The following VWDE variants were observed in gnomAD, a reference collection of about 807,000 sequenced individuals.
VWDE encodes von Willebrand factor D and EGF domain-containing protein.
In VWDE, 207 loss-of-function variants were observed where a neutral mutation model predicts 178.4. The observed-to-expected ratio is 1.16, with a 90% CI of 1.04 to 1.30. The LOEUF (loss-of-function observed/expected upper bound fraction) is 1.30, where lower values mean the gene tolerates loss of function less well. Ranked by LOEUF, VWDE falls within the 50% of genes most tolerant of loss-of-function variation. VWDE has a pLI of 0.00. For synonymous variants in VWDE, 738 were observed against 651.4 expected (o/e 1.13, Z -2.02); for missense variants, 2,287 against 1,901.3 (o/e 1.20, Z -3.77).
chr7:12,373,066 G>C lies in VWDE; in HGVS notation c.1498C>G (p.Arg500Gly). 1 of 1,551,100 alleles carries C rather than the reference G, an allele frequency of 6.4e-7. No individual in the cohort carries two copies. The highest frequency in any genetic ancestry group is 8.7e-7 in the Non-Finnish European group (1 of 1,146,706). Reference protein sequence around the residue: ...VTFDMCNGQLRESQPYLFIKS... With the variant: ...VTFDMCNGQLGESQPYLFIKS... Reference sequence around the variant, plus strand: ...ATGAACAAATATGGTTGTGATTCACGTAGCTGACCATTGCACATATCAAAA... The same window carrying C: ...ATGAACAAATATGGTTGTGATTCACCTAGCTGACCATTGCACATATCAAAA... Residue 500 changes from arginine (R) to glycine (G), a missense_variant, in exon 10 of 29, where the codon CGT becomes GGT. Coordinates refer to ENST00000275358, the MANE Select transcript of VWDE (RefSeq NM_001135924.3).
intron 18 of VWDE, chr7:12,354,258 A>G (rs1782100729): frequency 2.8e-6 from 1 of 351,404 alleles, no homozygotes; most frequent in South Asian, 2.3e-5. Context: ...TTTACACTAA[A>G]TAAATACATG....
chr7:12,400,605 A>C (rs1222850709), intron 1 of VWDE, among the ~76,000 whole-genome samples: 1 of 152,142 alleles, frequency 6.6e-6, no homozygotes, highest in Non-Finnish European at 1.5e-5. Context: ...ATCAATGCTA[A>C]ATTCTACCAA....
chr7:12,399,000 T>C (rs1292950717), intron 1 of VWDE, among the ~76,000 whole-genome samples: 1 of 152,148 alleles, frequency 6.6e-6, no homozygotes, highest in Non-Finnish European at 1.5e-5. Flanking sequence ...CATCATGCGA[T>C]GTACCTTTGT....
Position 12,369,615 on chromosome 7 carries a change from A to G in VWDE, c.2691T>C (p.Asn897=), listed in dbSNP as rs1426419657. 6.4e-7 allele frequency: 1 copy of G among 1,551,502 alleles called. No individual in the cohort carries two copies. Among genetic ancestry groups the G allele is most frequent in the Non-Finnish European group, 8.7e-7 (1 of 1,146,826 alleles). ...CACACCCCCATTCCATGCACTGCCC[A>G]TTGCCGCTGCATAAATTGGGGCATT... is the stretch of plus-strand genomic sequence containing the variant. The part of the protein sequence containing the change: ...VLKCPNLCSG[N]GQCMEWGCAC... The change falls in exon 12 of 29, where the codon AAT becomes AAC. Residue 897 remains asparagine (N), a synonymous_variant. Transcript: ENST00000275358.
At chr7:12,339,708 AAT>A (rs1781224287) in intron 24 of VWDE, among the ~76,000 whole-genome samples, 1 of 152,152 alleles carries the variant, frequency 6.6e-6, no homozygotes, top group Non-Finnish European at 1.5e-5. Context: ...TAAACTCGAA[AAT>A]ATGAAGATGT....
At chr7:12,336,053 T>C (rs1323275618) in intron 27 of VWDE, 88 bp downstream of exon 27, 2 of 1,197,450 alleles carry the variant, frequency 1.7e-6, no homozygotes, top group Admixed American at 2.9e-5. Context: ...TTTTTCCCCC[T>C]TATGGACTTG....
rs1427619254 is a variant in VWDE at position 12,342,026 on chromosome 7, T to C, written c.4270+33A>G. On this transcript the variant is annotated intron_variant, in intron 23 of 28. Coordinates refer to ENST00000275358, the MANE Select transcript of VWDE (RefSeq NM_001135924.3). ...ACATTGGCATATTTTAACTTTTAAT[T>C]GACATGTTCATTGAAAATATTTCCA... 4 of 1,508,868 alleles carry C rather than the reference T, an allele frequency of 2.7e-6. No homozygotes were observed. The Admixed American group carries it at 5.9e-5, about 22-fold the overall frequency. The allele number at this position is 1,508,868 out of a possible 1,614,324, so 93.5% of individuals were successfully genotyped here. A position where few individuals can be genotyped will look rare whatever the true frequency, so the allele number is the denominator to read the frequency against.
At chr7:12,359,455 G>A in intron 16 of VWDE, 123 bp downstream of exon 16, 3 of 602,028 alleles carry the variant, frequency 5.0e-6, no homozygotes. Flanking sequence ...TTTGCAGTTA[G>A]GAGAGATGCT....
At chr7:12,394,466 T>G (rs1282246158) in intron 1 of VWDE, among the ~76,000 whole-genome samples, 1 of 152,150 alleles carries the variant, frequency 6.6e-6, no homozygotes, top group Non-Finnish European at 1.5e-5. Flanking sequence ...AGGAAACCTT[T>G]TATCTGAGTA....
intron 5 of VWDE, among the ~76,000 whole-genome samples, chr7:12,380,029 C>T (rs1400255786): frequency 1.3e-5 from 2 of 151,100 alleles, no homozygotes; most frequent in Admixed American, 1.3e-4. Context: ...ACCTGAGAGG[C>T]GGAGGTTGCA....
chr7:12,347,830 A>T (rs113332259), intron 19 of VWDE, among the ~76,000 whole-genome samples: 2,441 of 152,128 alleles, frequency 0.016, 61 homozygotes, highest in African/African-American at 0.056. Context: ...ACTATACTAC[A>T]AGGCTACAGT....
chr7:12,401,417 A>G (rs985919045), intron 1 of VWDE, among the ~76,000 whole-genome samples: 1 of 152,166 alleles, frequency 6.6e-6, no homozygotes, highest in African/African-American at 2.4e-5. Context: ...AGAAAATTAT[A>G]TCTGGAATAT....
intron 18 of VWDE, chr7:12,354,435 C>G: frequency 2.3e-6 from 1 of 436,432 alleles, no homozygotes; most frequent in Non-Finnish European, 4.6e-6. Context: ...ATGCTACTCC[C>G]TCAAAGCAAG....
chr7:12,359,804 T>C (rs930595440), intron 15 of VWDE, 112 bp from the exon 16 acceptor site: 2 of 609,586 alleles, frequency 3.3e-6, no homozygotes, highest in African/African-American at 1.9e-5. Context: ...AGCACATACA[T>C]CTATTTTGAT....
At chr7:12,380,457 A>G in intron 5 of VWDE, 29 bp downstream of exon 5, 1 of 1,536,140 alleles carries the variant, frequency 6.5e-7, no homozygotes. Context: ...ACATTCATGA[A>G]AATAAAATGC....
Position 12,380,722 on chromosome 7 carries a change from C to T in VWDE, c.553G>A (p.Ala185Thr). Residue 185 changes from alanine (A) to threonine (T), a missense_variant, in exon 5 of 29, where the codon GCC (alanine) becomes ACC (threonine). By Grantham distance (58) the Ala-to-Thr change is moderately conservative. Transcript: ENST00000275358. ...TGGDCVRQLA[A>T]SLPPPPAGRP... ...CCTGCAGGTGGAGGTGGCAATGAGG[C>T]AGCCAGCTGACCTGGGGAGAAAATG... 6.4e-7 allele frequency: 1 copy of T among 1,551,696 alleles called. No individual in the cohort carries two copies. Among genetic ancestry groups the T allele is most frequent in the Non-Finnish European group, 8.7e-7 (1 of 1,146,960 alleles).
intron 3 of VWDE, among the ~76,000 whole-genome samples, chr7:12,386,577 C>T (rs186980471): frequency 8.3e-4 from 127 of 152,324 alleles, no homozygotes; most frequent in South Asian, 2.3e-3. Context: ...GTGAGTACAA[C>T]ATACTCTTAT....
intron 26 of VWDE, among the ~76,000 whole-genome samples, chr7:12,336,560 G>A (rs1433133362): frequency 6.6e-6 from 1 of 152,054 alleles, no homozygotes; most frequent in Admixed American, 6.6e-5. Context: ...ACAATTTATA[G>A]AAAGGAAAAA....
chr7:12,395,627 TTTATC>T (rs907415791), intron 1 of VWDE, among the ~76,000 whole-genome samples: 36 of 152,036 alleles, frequency 2.4e-4, no homozygotes, highest in African/African-American at 7.7e-4. Flanking sequence ...TTACTCAATA[TTTATC>T]TTATAAGATA....
Sources: allele counts gnomAD v4.1 joint callset (sites outside exome capture counted in the v4.1 genomes callset), GRCh38; gene constraint gnomAD v4.1.1; transcripts MANE v1.5; gene names NCBI Gene and HGNC (gene_info 2026-07-23, HGNC 2026-07-21).